DOK6: variants seen among roughly 807,000 people sequenced by gnomAD.
DOK6 encodes the protein docking protein 6, also known as downstream of tyrosine kinase 6.
DOK6 carries 22 observed loss-of-function variants against 44.0 expected under a neutral mutation model. The ratio of observed to expected loss-of-function variants is 0.50; its 90% CI spans 0.36 to 0.71. DOK6 has a LOEUF of 0.71. DOK6 is among the 30% of genes least tolerant of loss of function. The probability of loss-of-function intolerance (pLI) is 0.00; values close to 1 mark genes in which losing one functional copy is unlikely to be tolerated. For missense variants in DOK6, 340 were observed against 416.4 expected (o/e 0.82, Z 1.60); for synonymous variants, 166 against 145.5 (o/e 1.14, Z -1.01).
intron 3 of DOK6, among the ~76,000 whole-genome samples, chr18:69,655,775 A>C (rs1172415063): frequency 6.8e-6 from 1 of 147,988 alleles, no homozygotes; most frequent in Admixed American, 6.9e-5. Context: ...AAAAAAAAAA[A>C]AAAAAAAACA....
chr18:69,441,234 C>T (rs1013902490), intron 1 of DOK6, among the ~76,000 whole-genome samples: 2 of 152,068 alleles, frequency 1.3e-5, no homozygotes, highest in South Asian at 2.1e-4. Context: ...GTTACTGTAA[C>T]GTCAAAAATA....
intron 1 of DOK6, among the ~76,000 whole-genome samples, chr18:69,559,392 A>G (rs1026484498): frequency 6.6e-6 from 1 of 152,140 alleles, no homozygotes; most frequent in Non-Finnish European, 1.5e-5. Flanking sequence ...GTACAAAAAG[A>G]CAACAACTAT....
intron 1 of DOK6, among the ~76,000 whole-genome samples, chr18:69,429,647 A>ATATG (rs1357498740): frequency 1.9e-5 from 2 of 103,972 alleles, no homozygotes; most frequent in Non-Finnish European, 3.9e-5. Flanking sequence ...ATATATATAT[A>ATATG]TATATATATA....
intron 1 of DOK6, among the ~76,000 whole-genome samples, chr18:69,508,408 G>A (rs1981255583): frequency 6.6e-6 from 1 of 152,102 alleles, no homozygotes; most frequent in Non-Finnish European, 1.5e-5. Context: ...TCTGTTTTGT[G>A]CAGTAGTTAG....
At chr18:69,478,991 C>T (rs1937328699) in intron 1 of DOK6, among the ~76,000 whole-genome samples, 1 of 152,154 alleles carries the variant, frequency 6.6e-6, no homozygotes, top group Admixed American at 6.5e-5. Flanking sequence ...AAGACATTTT[C>T]AGTATACATC....
intron 1 of DOK6, among the ~76,000 whole-genome samples, chr18:69,550,090 C>G (rs1354040970): frequency 6.6e-6 from 1 of 151,078 alleles, no homozygotes; most frequent in Non-Finnish European, 1.5e-5. Flanking sequence ...CAAAATTTTA[C>G]AAACATTTTT....
Position 69,421,315 on chromosome 18 carries a change from A to T in DOK6, c.66+20005A>T, listed in dbSNP as rs111547203. ...CTTCAGGAAAATCCAGTACTTCAGA[A>T]TATTAACATTATTTAAGCCCCAGCT... is the stretch of plus-strand genomic sequence containing the variant. On this transcript the variant is annotated intron_variant, in intron 1 of 7. Transcript: ENST00000382713. Among the ~76,000 whole-genome samples, 163 of 152,314 alleles carry T rather than the reference A, an allele frequency of 1.1e-3. 1 individual carries two copies. Among genetic ancestry groups the T allele is most frequent in the African/African-American group, 3.7e-3 (153 of 41,582 alleles).
Position 69,677,722 on chromosome 18 carries a change from G to A in DOK6, c.290-12G>A. Reference sequence around the variant, plus strand: ...AGCATTGCTTGACTGGTGATGTTGTGGTTACTTTCAGAGCTGGAGGCCGAG... The same window carrying A: ...AGCATTGCTTGACTGGTGATGTTGTAGTTACTTTCAGAGCTGGAGGCCGAG... On this transcript the variant is annotated splice_polypyrimidine_tract_variant and intron_variant, in intron 3 of 7. Transcript: ENST00000382713. 1 of 1,612,834 alleles carries A rather than the reference G, an allele frequency of 6.2e-7. No homozygotes were observed. The highest frequency in any genetic ancestry group is 1.1e-5 in the South Asian group (1 of 91,016).
chr18:69,606,037 C>T (rs12964681), intron 3 of DOK6, among the ~76,000 whole-genome samples: 61,560 of 151,820 alleles, frequency 0.41, 13,622 homozygotes, highest in Non-Finnish European at 0.5. Context: ...TTTGGGAGGC[C>T]GAGGCAGGCA....
chr18:69,560,325 A>C (rs1982797352), intron 1 of DOK6, among the ~76,000 whole-genome samples: 1 of 152,198 alleles, frequency 6.6e-6, no homozygotes, highest in Non-Finnish European at 1.5e-5. Flanking sequence ...AGACTGAGTG[A>C]AGTGATTTAT....
intron 3 of DOK6, among the ~76,000 whole-genome samples, chr18:69,604,218 C>G (rs892963551): frequency 6.6e-6 from 1 of 152,102 alleles, no homozygotes; most frequent in Non-Finnish European, 1.5e-5. Context: ...TTAGTATAAC[C>G]ACAAAAGACA....
At chr18:69,571,801 C>A (rs1346768208) in intron 2 of DOK6, among the ~76,000 whole-genome samples, 2 of 151,996 alleles carry the variant, frequency 1.3e-5, no homozygotes, top group African/African-American at 4.8e-5. Context: ...AACCCCCTCC[C>A]TTTCTCACCA....
intron 1 of DOK6, among the ~76,000 whole-genome samples, chr18:69,517,030 T>C (rs1981546210): frequency 1.3e-5 from 2 of 152,288 alleles, no homozygotes; most frequent in South Asian, 4.1e-4. Flanking sequence ...ACAAGAATTT[T>C]GAGGTTGTAT....
rs1418163876 is a variant in DOK6 at position 69,848,767 on chromosome 18, T to G, written c.*7384T>G. On this transcript the variant is annotated 3_prime_UTR_variant, in exon 8 of 8. Transcript: ENST00000382713. The stretch of plus-strand genomic sequence containing the variant: ...AAAAAATTTACAAATGATATTGCTA[T>G]GAGGTTGTGCACTATTAAAGTTTGC... The G allele has an allele frequency of 6.6e-6, 1 of 152,222 alleles. No homozygotes were observed. Among genetic ancestry groups the G allele is most frequent in the Non-Finnish European group, 1.5e-5 (1 of 68,024 alleles). The allele number at this position is 152,222 out of a possible 1,614,324, so 9.4% of individuals were successfully genotyped here.
At chr18:69,545,860 T>A (rs1982389817) in intron 1 of DOK6, among the ~76,000 whole-genome samples, 1 of 151,530 alleles carries the variant, frequency 6.6e-6, no homozygotes, top group Non-Finnish European at 1.5e-5. Flanking sequence ...TACATTCTCT[T>A]ATAAAAATGA....
chr18:69,640,617 G>C (rs1984917264), intron 3 of DOK6, among the ~76,000 whole-genome samples: 1 of 152,288 alleles, frequency 6.6e-6, no homozygotes, highest in African/African-American at 2.4e-5. Flanking sequence ...GAGAGACAGG[G>C]ACTGAGAAGA....
chr18:69,428,047 G>C (rs1407795236), intron 1 of DOK6, among the ~76,000 whole-genome samples: 1 of 152,052 alleles, frequency 6.6e-6, no homozygotes, highest in Non-Finnish European at 1.5e-5. Flanking sequence ...CAAAGTGTTG[G>C]GATTACAGGC....
chr18:69,713,518 T>G lies in DOK6; in HGVS notation c.599+14925T>G, dbSNP rs117743606. Among the ~76,000 whole-genome samples, 425 of 152,318 alleles carry G rather than the reference T, an allele frequency of 2.8e-3. 1 individual carries two copies. The highest frequency in any genetic ancestry group is 0.013 in the East Asian group (67 of 5,192). On this transcript the variant is annotated intron_variant, in intron 5 of 7. Transcript: ENST00000382713. The stretch of plus-strand genomic sequence containing the variant: ...TATGTACAGGCAGAATTTGCTGAGA[T>G]ACTAATGAGCTATGGCTTCAGGACC...
rs867768361 is a variant in DOK6 at position 69,505,670 on chromosome 18, G to T, written c.67-58817G>T. 1.3e-4 allele frequency among the ~76,000 whole-genome samples: 20 copies of T among 151,480 alleles called. No individual in the cohort carries two copies. The Middle Eastern group carries it at 0.01, about 78-fold the overall frequency. On this transcript the variant is annotated intron_variant, in intron 1 of 7. Transcript: ENST00000382713. ...CCACCACCACGCCAAGCTAATTTTT[G>T]TATTTTTAGTAGACATAGGGTTTCA... is the stretch of plus-strand genomic sequence containing the variant.
Sources: gnomAD v4.1 joint callset for allele counts (sites outside exome capture counted in the v4.1 genomes callset) on GRCh38, gnomAD v4.1.1 for gene constraint, MANE v1.5 for transcripts, NCBI Gene and HGNC (gene_info 2026-07-23, HGNC 2026-07-21) for gene names.